TTC28: variants seen among roughly 807,000 people sequenced by gnomAD.
TTC28 encodes tetratricopeptide repeat domain 28.
TTC28 carries 61 observed loss-of-function variants against 198.0 expected under a neutral mutation model. That is an observed-to-expected ratio of 0.31 (90% CI 0.25 to 0.38). The LOEUF (loss-of-function observed/expected upper bound fraction) is 0.38, where lower values mean the gene tolerates loss of function less well. Among genes scored for constraint, TTC28 ranks in the 10% least tolerant of loss-of-function variants. TTC28 has a pLI of 1.00. For synonymous variants in TTC28, 1,171 were observed against 1,297.8 expected (o/e 0.90, Z 2.10); for missense variants, 2,678 against 3,164.0 (o/e 0.85, Z 3.69).
intron 1 of TTC28, among the ~76,000 whole-genome samples, chr22:28,648,893 A>T (rs2146257813): frequency 6.6e-6 from 1 of 152,242 alleles, no homozygotes; most frequent in South Asian, 2.1e-4. Flanking sequence ...TGGGAAACAG[A>T]GCGAAACCTT....
intron 8 of TTC28, 32 bp downstream of exon 8, chr22:28,105,247 G>A (rs907272263): frequency 1.2e-5 from 19 of 1,537,174 alleles, no homozygotes; most frequent in Middle Eastern, 1.7e-4. Flanking sequence ...TTTCAAGTAG[G>A]CCAAGAGAAC....
At chr22:28,315,699 T>C (rs977737681) in intron 2 of TTC28, among the ~76,000 whole-genome samples, 2 of 152,200 alleles carry the variant, frequency 1.3e-5, no homozygotes, top group Admixed American at 6.5e-5. Flanking sequence ...TTCATAGTTG[T>C]GTGGGTCTAT....
chr22:28,474,109 T>G (rs181006114), intron 2 of TTC28, among the ~76,000 whole-genome samples: 7 of 152,202 alleles, frequency 4.6e-5, no homozygotes, highest in Non-Finnish European at 7.4e-5. Context: ...TCTTCTCTCT[T>G]CCAAAATCCC....
At chr22:28,428,003 T>C (rs1236182757) in intron 2 of TTC28, among the ~76,000 whole-genome samples, 1 of 151,996 alleles carries the variant, frequency 6.6e-6, no homozygotes, top group Non-Finnish European at 1.5e-5. Flanking sequence ...TCATGTGGAA[T>C]ATACTTTAAG....
At chr22:28,397,079 A>C (rs1050584465) in intron 2 of TTC28, among the ~76,000 whole-genome samples, 1 of 152,220 alleles carries the variant, frequency 6.6e-6, no homozygotes, top group Non-Finnish European at 1.5e-5. Context: ...AATTTAATGA[A>C]TATTTATTGA....
intron 5 of TTC28, among the ~76,000 whole-genome samples, chr22:28,191,664 T>A (rs1276099617): frequency 6.6e-6 from 1 of 152,134 alleles, no homozygotes; most frequent in Non-Finnish European, 1.5e-5. Flanking sequence ...GCTCAGAGGG[T>A]CCTATGCCCA....
chr22:28,107,657 T>A lies in TTC28; in HGVS notation c.2188A>T (p.Ile730Leu). 3 of 1,551,792 alleles carry A rather than the reference T, an allele frequency of 1.9e-6. No homozygotes were observed. In the South Asian group the frequency reaches 3.6e-5, roughly 18 times the overall value. Residue 730 changes from isoleucine to leucine, a missense_variant, in exon 7 of 23, where the codon ATA becomes TTA. By Grantham distance (5) the Ile-to-Leu change is conservative. This residue lies in a region of TTC28 where 775 missense variants were observed against 845.9 expected (regional missense o/e 0.92). Transcript: ENST00000397906. ...LGDIFICKKD[I>L]NGAIKFYEQQ... ...TCATAGAATTTTATTGCACCATTTA[T>A]ATCTTTTTTACAGATGAATATATCG...
At chr22:28,635,191 G>T (rs1043052497) in intron 1 of TTC28, among the ~76,000 whole-genome samples, 1 of 151,812 alleles carries the variant, frequency 6.6e-6, no homozygotes, top group African/African-American at 2.4e-5. Flanking sequence ...CATGGTGGCG[G>T]GCACCTGTAG....
chr22:28,599,009 AAC>A (rs1192994101), intron 2 of TTC28, among the ~76,000 whole-genome samples: 1 of 152,228 alleles, frequency 6.6e-6, no homozygotes, highest in African/African-American at 2.4e-5. Flanking sequence ...TTACAAGACA[AAC>A]ACACATCAAA....
intron 2 of TTC28, among the ~76,000 whole-genome samples, chr22:28,522,352 G>A (rs2048924198): frequency 6.6e-6 from 1 of 152,106 alleles, no homozygotes. Flanking sequence ...GCTGGGCGTG[G>A]TGGCAAGCAC....
chr22:28,091,736 G>A (rs2060469997), intron 12 of TTC28, among the ~76,000 whole-genome samples: 1 of 152,196 alleles, frequency 6.6e-6, no homozygotes, highest in Admixed American at 6.5e-5. Context: ...TGCTATGCTA[G>A]AGATTACGGA....
intron 5 of TTC28, among the ~76,000 whole-genome samples, chr22:28,228,389 A>G (rs948346028): frequency 1.3e-5 from 2 of 152,196 alleles, no homozygotes; most frequent in East Asian, 1.9e-4. Context: ...TTTTACCACA[A>G]TAAAAATAAA....
intron 5 of TTC28, among the ~76,000 whole-genome samples, chr22:28,235,347 A>C (rs1355895485): frequency 6.6e-6 from 1 of 152,208 alleles, no homozygotes; most frequent in Admixed American, 6.5e-5. Context: ...CTTCACCTTC[A>C]CTAAAACTCT....
chr22:28,211,122 C>G (rs1926914077), intron 5 of TTC28, among the ~76,000 whole-genome samples: 1 of 152,050 alleles, frequency 6.6e-6, no homozygotes, highest in Non-Finnish European at 1.5e-5. Flanking sequence ...TAAAAGAGCT[C>G]CTGAAGGAAG....
intron 21 of TTC28, among the ~76,000 whole-genome samples, chr22:27,987,529 G>C (rs761221052): frequency 6.6e-6 from 1 of 152,030 alleles, no homozygotes; most frequent in Non-Finnish European, 1.5e-5. Context: ...CTCAGGAGCT[G>C]GAGAACAGCC....
chr22:28,577,783 T>A (rs2050173906), intron 2 of TTC28, among the ~76,000 whole-genome samples: 1 of 152,152 alleles, frequency 6.6e-6, no homozygotes, highest in South Asian at 2.1e-4. Context: ...AATATAGCTA[T>A]TCCTGCTCTT....
intron 6 of TTC28, among the ~76,000 whole-genome samples, chr22:28,112,342 T>C (rs1004101445): frequency 6.6e-6 from 1 of 152,190 alleles, no homozygotes; most frequent in Non-Finnish European, 1.5e-5. Context: ...TGATAATGGC[T>C]ACCCAGGGTT....
intron 5 of TTC28, among the ~76,000 whole-genome samples, chr22:28,212,059 A>C (rs1380950015): frequency 2.0e-5 from 3 of 152,182 alleles, no homozygotes; most frequent in Non-Finnish European, 4.4e-5. Flanking sequence ...GCAGAAATAA[A>C]GATGTTCTTT....
At chr22:28,064,280 G>A (rs1434766808) in intron 12 of TTC28, among the ~76,000 whole-genome samples, 1 of 152,106 alleles carries the variant, frequency 6.6e-6, no homozygotes, top group African/African-American at 2.4e-5. Context: ...TGCTGTCTTG[G>A]GAGTCTGGTG....
Sources: gnomAD v4.1 joint callset for allele counts (sites outside exome capture counted in the v4.1 genomes callset) on GRCh38, gnomAD v4.1.1 for gene constraint, gnomAD v4.1.1 regional missense constraint, MANE v1.5 for transcripts, NCBI Gene and HGNC (gene_info 2026-07-23, HGNC 2026-07-21) for gene names.